Variants in KIRREL3 observed in about 807,000 individuals in gnomAD.
KIRREL3 encodes the protein kirre like nephrin family adhesion molecule 3.
In KIRREL3, 36 loss-of-function variants were observed where a neutral mutation model predicts 89.7. That is an observed-to-expected ratio of 0.40 (90% CI 0.31 to 0.53). The LOEUF is 0.53. KIRREL3 is among the 20% of genes least tolerant of loss of function. The probability of loss-of-function intolerance (pLI) is 0.49; values close to 1 mark genes in which losing one functional copy is unlikely to be tolerated. For missense variants in KIRREL3, 864 were observed against 1,056.6 expected (o/e 0.82, Z 2.53); for synonymous variants, 445 against 441.4 (o/e 1.01, Z -0.10).
chr11:126,884,337 C>T (rs1320779712), intron 1 of KIRREL3, among the ~76,000 whole-genome samples: 1 of 152,232 alleles, frequency 6.6e-6, no homozygotes, highest in East Asian at 1.9e-4. Context: ...GATGGGCCTC[C>T]CTAAGCCCTC....
intron 1 of KIRREL3, among the ~76,000 whole-genome samples, chr11:126,972,439 GA>G (rs112192106): frequency 0.016 from 2,406 of 152,272 alleles, 63 homozygotes; most frequent in African/African-American, 0.055. Context: ...AAGCCACCAT[GA>G]TTCCGTCACT....
At position 126,501,887 on chromosome 11, in the gene KIRREL3, C is replaced by T. The variant is rs572131143; in HGVS notation, c.433+19428G>A. ...GGAAAACATCGATACCAGTGACTTACATGCACCCAGGTGCCAAGGTAAGCA... is the reference window on the plus strand; with the variant it reads ...GGAAAACATCGATACCAGTGACTTATATGCACCCAGGTGCCAAGGTAAGCA... On this transcript the variant is annotated intron_variant, in intron 4 of 16. Transcript: ENST00000525144. The surrounding 1 kb of genome is among the most constrained non-coding windows in gnomAD (Gnocchi z 5.8). Among the ~76,000 whole-genome samples, 1 of 152,256 alleles carries T rather than the reference C, an allele frequency of 6.6e-6. No individual in the cohort carries two copies. Among genetic ancestry groups the T allele is most frequent in the African/African-American group, 2.4e-5 (1 of 41,544 alleles).
intron 1 of KIRREL3, among the ~76,000 whole-genome samples, chr11:126,806,963 G>T (rs909254079): frequency 6.6e-6 from 1 of 152,090 alleles, no homozygotes; most frequent in Non-Finnish European, 1.5e-5. Flanking sequence ...TTAGTTTGCT[G>T]AGAATGATGG....
intron 1 of KIRREL3, among the ~76,000 whole-genome samples, chr11:126,829,833 T>C (rs1943546072): frequency 6.6e-6 from 1 of 151,970 alleles, no homozygotes; most frequent in Non-Finnish European, 1.5e-5. Context: ...GCTAAGAGAG[T>C]GTAACAGAGT....
At chr11:126,767,825 T>C (rs894102694) in intron 1 of KIRREL3, among the ~76,000 whole-genome samples, 1 of 152,214 alleles carries the variant, frequency 6.6e-6, no homozygotes, top group Admixed American at 6.5e-5. Flanking sequence ...GCTGCAAGAA[T>C]TTGTTAATGC....
rs535776512 is a variant in KIRREL3 at position 126,708,142 on chromosome 11, C to T, written c.56-145230G>A. 7.9e-5 allele frequency among the ~76,000 whole-genome samples: 12 copies of T among 152,268 alleles called. No individual in the cohort carries two copies. The highest frequency in any genetic ancestry group is 2.2e-4 in the African/African-American group (9 of 41,544). Reference sequence around the variant, plus strand: ...ATCTTCCTCTTCCACTGACTTTTCCCGTGTGAAAGGACTCCCTGGTCAGGC... The same window carrying T: ...ATCTTCCTCTTCCACTGACTTTTCCTGTGTGAAAGGACTCCCTGGTCAGGC... On this transcript the variant is annotated intron_variant, in intron 1 of 16. Transcript: ENST00000525144. This position sits in a 1 kb window ranked among gnomAD's most constrained non-coding sequence, Gnocchi z 5.7.
intron 1 of KIRREL3, among the ~76,000 whole-genome samples, chr11:126,662,335 A>T (rs536868412): frequency 6.6e-6 from 1 of 152,240 alleles, no homozygotes. Context: ...GGCCCCTTGG[A>T]GAGCACTAGA....
intron 1 of KIRREL3, among the ~76,000 whole-genome samples, chr11:126,580,836 G>GTTTTTTTTTTTTT (rs58691243): frequency 1.4e-5 from 2 of 140,812 alleles, no homozygotes; most frequent in Non-Finnish European, 1.5e-5. Flanking sequence ...GGAATTTCCT[G>GTTTTTTTTTTTTT]TTTTTTTTTT....
chr11:126,848,097 C>A (rs1165694849), intron 1 of KIRREL3, among the ~76,000 whole-genome samples: 1 of 152,146 alleles, frequency 6.6e-6, no homozygotes, highest in African/African-American at 2.4e-5. Context: ...TCTGACATGT[C>A]TAGGAGCCCA....
chr11:126,873,325 A>G (rs1297462016), intron 1 of KIRREL3, among the ~76,000 whole-genome samples: 1 of 152,214 alleles, frequency 6.6e-6, no homozygotes, highest in Non-Finnish European at 1.5e-5. Flanking sequence ...CAGTCCTTAA[A>G]AAATAGGTAG....
At position 126,515,855 on chromosome 11, in the gene KIRREL3, A is replaced by G. The variant is rs1296705844; in HGVS notation, c.433+5460T>C. On this transcript the variant is annotated intron_variant, in intron 4 of 16. Transcript: ENST00000525144. This position sits in a 1 kb window ranked among gnomAD's most constrained non-coding sequence, Gnocchi z 4.2. The stretch of plus-strand genomic sequence containing the variant: ...CCTTTTTATGTCAGGGTGACTATGG[A>G]TGGGTTTCTTGCAACCAGTTTCTGG... Among the ~76,000 whole-genome samples, 1 of 152,116 alleles carries G rather than the reference A, an allele frequency of 6.6e-6. No individual in the cohort carries two copies. Among genetic ancestry groups the G allele is most frequent in the East Asian group, 1.9e-4 (1 of 5,192 alleles).
Position 126,496,810 on chromosome 11 carries a change from G to A in KIRREL3, c.434-23344C>T, listed in dbSNP as rs1957669407. Among the ~76,000 whole-genome samples, 1 of 152,170 alleles carries A rather than the reference G, an allele frequency of 6.6e-6. No individual in the cohort carries two copies. The highest frequency in any genetic ancestry group is 2.4e-5 in the African/African-American group (1 of 41,440). On this transcript the variant is annotated intron_variant, in intron 4 of 16. Transcript: ENST00000525144. The surrounding 1 kb of genome is among the most constrained non-coding windows in gnomAD (Gnocchi z 4.9). Reference sequence around the variant, plus strand: ...GGAAGCTGGGCTCAGCCAGGGGACTGAGACATAGGTCACAAATCTAGGAGA... The same window carrying A: ...GGAAGCTGGGCTCAGCCAGGGGACTAAGACATAGGTCACAAATCTAGGAGA...
At chr11:126,929,894 C>T (rs776183116) in intron 1 of KIRREL3, among the ~76,000 whole-genome samples, 4 of 151,696 alleles carry the variant, frequency 2.6e-5, no homozygotes, top group Non-Finnish European at 5.9e-5. Context: ...TGTGACATAA[C>T]ACAAAGAGGT....
Position 126,742,560 on chromosome 11 carries a change from C to T in KIRREL3, c.56-179648G>A, listed in dbSNP as rs1175071265. 6.6e-6 allele frequency among the ~76,000 whole-genome samples: 1 copy of T among 152,178 alleles called. No individual in the cohort carries two copies. The highest frequency in any genetic ancestry group is 2.4e-5 in the African/African-American group (1 of 41,442). ...ACAAGAGATTTTCCCATAAAGCTCC[C>T]CTCACCATGGGCATGAGGAAACCAA... is the stretch of plus-strand genomic sequence containing the variant. On this transcript the variant is annotated intron_variant, in intron 1 of 16. Coordinates refer to ENST00000525144, the MANE Select transcript of KIRREL3 (RefSeq NM_032531.4). This position sits in a 1 kb window ranked among gnomAD's most constrained non-coding sequence, Gnocchi z 5.3.
chr11:126,593,539 C>A (rs553128092), intron 1 of KIRREL3, among the ~76,000 whole-genome samples: 1 of 152,328 alleles, frequency 6.6e-6, no homozygotes, highest in African/African-American at 2.4e-5. Flanking sequence ...GAACACCCGG[C>A]TGGACCTGTG....
chr11:126,629,966 T>G (rs879541406), intron 1 of KIRREL3, among the ~76,000 whole-genome samples: 1 of 152,172 alleles, frequency 6.6e-6, no homozygotes, highest in African/African-American at 2.4e-5. Flanking sequence ...CCAATTTCTG[T>G]GTATTGTCTG....
At chr11:126,663,588 T>C (rs1945521269) in intron 1 of KIRREL3, among the ~76,000 whole-genome samples, 1 of 152,194 alleles carries the variant, frequency 6.6e-6, no homozygotes, top group African/African-American at 2.4e-5. Flanking sequence ...AAACATCTCA[T>C]GGAAGCGTAT....
intron 1 of KIRREL3, among the ~76,000 whole-genome samples, chr11:126,716,588 G>A (rs569048016): frequency 4.6e-5 from 7 of 152,152 alleles, no homozygotes; most frequent in Non-Finnish European, 1.0e-4. Context: ...GAGCACAGAA[G>A]ATTCCTGGGG....
rs1049933187 is a variant in KIRREL3 at position 126,719,938 on chromosome 11, C to A, written c.56-157026G>T. Among the ~76,000 whole-genome samples, 1 of 152,188 alleles carries A rather than the reference C, an allele frequency of 6.6e-6. No individual in the cohort carries two copies. The highest frequency in any genetic ancestry group is 1.5e-5 in the Non-Finnish European group (1 of 68,038). ...GGATCTGATCGCTCCTCTGTCCAAA[C>A]TTCTGATGGCTTAGGGTCAGGGTGT... On this transcript the variant is annotated intron_variant, in intron 1 of 16. Transcript: ENST00000525144. This position sits in a 1 kb window ranked among gnomAD's most constrained non-coding sequence, Gnocchi z 4.7.
Sources: allele counts gnomAD v4.1 joint callset (sites outside exome capture counted in the v4.1 genomes callset), GRCh38; gene constraint gnomAD v4.1.1; non-coding constraint Gnocchi (gnomAD v3.1); transcripts MANE v1.5; gene names NCBI Gene and HGNC (gene_info 2026-07-23, HGNC 2026-07-21).